The following BTBD8 variants were observed in gnomAD, a reference collection of about 807,000 sequenced individuals.
BTBD8 encodes the protein BTB/POZ domain-containing protein 8.
Under a neutral mutation model 162.9 loss-of-function variants are expected in BTBD8, and 110 were observed. That is an observed-to-expected ratio of 0.68 (90% CI 0.58 to 0.79). The LOEUF (loss-of-function observed/expected upper bound fraction) is 0.79, where lower values mean the gene tolerates loss of function less well. BTBD8 is among the 30% of genes least tolerant of loss of function. The pLI is 0.00. For synonymous variants in BTBD8, 667 were observed against 716.1 expected (o/e 0.93, Z 1.10); for missense variants, 1,905 against 2,085.4 (o/e 0.91, Z 1.68).
intron 9 of BTBD8, among the ~76,000 whole-genome samples, chr1:92,156,976 G>C (rs1441482488): frequency 2.0e-5 from 3 of 149,800 alleles, no homozygotes; most frequent in African/African-American, 7.4e-5. Context: ...GCTAACTTCA[G>C]GCTTAGTTTC....
rs1304497820 is a variant in BTBD8 at position 92,080,526 on chromosome 1, G to C, written c.-46G>C. 6.2e-7 allele frequency: 1 copy of C among 1,602,284 alleles called. No individual in the cohort carries two copies. The highest frequency in any genetic ancestry group is 1.8e-5 in the Admixed American group (1 of 56,526). ...CCCTTCTTCCTCCTGGGCGGGGCAA[G>C]TGAGGCCAAGTACTGGGCCTCCAGG... is the stretch of plus-strand genomic sequence containing the variant. On this transcript the variant is annotated 5_prime_UTR_variant, in exon 1 of 18. Coordinates refer to ENST00000636805, the MANE Select transcript of BTBD8 (RefSeq NM_001376131.1).
At chr1:92,098,245 C>A (rs1648503655) in intron 2 of BTBD8, among the ~76,000 whole-genome samples, 2 of 152,156 alleles carry the variant, frequency 1.3e-5, no homozygotes, top group South Asian at 4.1e-4. Context: ...ATAAATCTTT[C>A]AAGGTATAGC....
chr1:92,101,297 G>A (rs530913578), intron 2 of BTBD8, among the ~76,000 whole-genome samples: 43 of 152,290 alleles, frequency 2.8e-4, no homozygotes, highest in African/African-American at 6.5e-4. Context: ...CTCAGGCCAG[G>A]TGTATGGATA....
intron 13 of BTBD8, among the ~76,000 whole-genome samples, chr1:92,175,477 CAAAAAAAAAA>C (rs71091265): frequency 5.3e-5 from 2 of 37,438 alleles, no homozygotes; most frequent in Non-Finnish European, 4.7e-5. Flanking sequence ...GACTCCATCT[CAAAAAAAAAA>C]AAAAAAAAAA....
intron 3 of BTBD8, among the ~76,000 whole-genome samples, 157 bp from the exon 4 acceptor site, chr1:92,107,727 A>G (rs1648771000): frequency 6.6e-6 from 1 of 152,228 alleles, no homozygotes; most frequent in Non-Finnish European, 1.5e-5. Context: ...GAGAAAGTCT[A>G]GATGATTTAA....
Position 92,184,316 on chromosome 1 carries a change from G to T in BTBD8, c.5365G>T (p.Glu1789Ter). Residue 1789 changes from glutamate to a stop codon, truncating the protein, a stop_gained, in exon 18 of 18, where the codon GAA (glutamate) becomes TAA (stop). Coordinates refer to ENST00000636805, the MANE Select transcript of BTBD8 (RefSeq NM_001376131.1). LOFTEE classifies it high-confidence loss of function. ...AGGCGAGTGGACAATTCTGGAACTG[G>T]AAACTCAGCATTAAGTGTTAACATT... ...PQGEWTILELETQH is the reference protein window; with the variant it reads ...PQGEWTILEL 6.5e-7 allele frequency: 1 copy of T among 1,548,078 alleles called. No homozygotes were observed. Among genetic ancestry groups the T allele is most frequent in the Non-Finnish European group, 8.7e-7 (1 of 1,144,952 alleles).
chr1:92,096,924 T>C (rs1319767968), intron 2 of BTBD8, among the ~76,000 whole-genome samples: 2 of 152,192 alleles, frequency 1.3e-5, no homozygotes, highest in Non-Finnish European at 2.9e-5. Flanking sequence ...CCTTCAGCCG[T>C]TCCTCTTCAT....
intron 9 of BTBD8, among the ~76,000 whole-genome samples, chr1:92,151,630 A>C (rs1255134159): frequency 6.6e-6 from 1 of 151,988 alleles, no homozygotes; most frequent in Non-Finnish European, 1.5e-5. Context: ...CTGAGATTTT[A>C]GTGTACCCAT....
chr1:92,177,807 A>G lies in BTBD8; in HGVS notation c.2354-4A>G. ...CTTATGACTCACTTTTTCTTAATTT[A>G]TAGCCATAAAATCTCGACCTGTTTC... On this transcript the variant is annotated splice_polypyrimidine_tract_variant and splice_region_variant and intron_variant, in intron 14 of 17. Coordinates refer to ENST00000636805, the MANE Select transcript of BTBD8 (RefSeq NM_001376131.1). 2 of 1,501,674 alleles carry G rather than the reference A, an allele frequency of 1.3e-6. No homozygotes were observed. The highest frequency in any genetic ancestry group is 1.8e-6 in the Non-Finnish European group (2 of 1,103,288). 93.0% of individuals were successfully genotyped at this position (1,501,674 alleles called of 1,614,324 possible). A position where few individuals can be genotyped will look rare whatever the true frequency, so the allele number is the denominator to read the frequency against.
At chr1:92,098,386 A>AT (rs1462012964) in intron 2 of BTBD8, among the ~76,000 whole-genome samples, 1 of 152,178 alleles carries the variant, frequency 6.6e-6, no homozygotes, top group Non-Finnish European at 1.5e-5. Flanking sequence ...TGCTATGAAC[A>AT]TTTATATATA....
intron 3 of BTBD8, among the ~76,000 whole-genome samples, chr1:92,103,458 A>T (rs965534208): frequency 6.6e-6 from 1 of 152,188 alleles, no homozygotes; most frequent in African/African-American, 2.4e-5. Flanking sequence ...AGGAAACCTG[A>T]GGTCCCTGGA....
rs569683385 is a variant in BTBD8 at position 92,107,507 on chromosome 1, T to A, written c.545-377T>A. On this transcript the variant is annotated intron_variant, in intron 3 of 17. Transcript: ENST00000636805. The stretch of plus-strand genomic sequence containing the variant: ...TAACATGCGGTACTGGTTTATAGCC[T>A]AGGAACAATAGGCTATACCATATAG... Among the ~76,000 whole-genome samples the A allele has an allele frequency of 3.3e-5, 5 of 152,318 alleles. No homozygotes were observed. In the East Asian group the frequency reaches 7.7e-4, roughly 23 times the overall value.
chr1:92,178,465 A>T lies in BTBD8; in HGVS notation c.2581+14A>T. ...CTAAAACTCAAGGTAAAGCTGAAAT[A>T]GTACTGGATATCTTGAAATTATTTC... On this transcript the variant is annotated intron_variant, in intron 16 of 17. Coordinates refer to ENST00000636805, the MANE Select transcript of BTBD8 (RefSeq NM_001376131.1). The T allele has an allele frequency of 2.0e-6, 3 of 1,534,158 alleles. No homozygotes were observed. The highest frequency in any genetic ancestry group is 3.4e-4 in the Middle Eastern group (2 of 5,908).
Position 92,182,407 on chromosome 1 carries a change from G to A in BTBD8, c.4724G>A (p.Ser1575Asn), listed in dbSNP as rs185536361. The change falls in exon 17 of 18, where the codon AGT (serine) becomes AAT (asparagine). Residue 1575 changes from serine to asparagine, a missense_variant. Physicochemically the swap from Ser to Asn is conservative, Grantham distance 46 (BLOSUM62 1). Around this residue, in one of 3 missense-constraint regions of BTBD8, gnomAD observed 517 missense variants for 606.6 expected, o/e 0.85. Coordinates refer to ENST00000636805, the MANE Select transcript of BTBD8 (RefSeq NM_001376131.1). ...DIQQRSKFLD[S>N]DVKSQERPCH... is the part of the protein sequence containing the mutation. ...CAGCAACGCAGCAAATTCTTGGATA[G>A]TGATGTAAAATCTCAAGAAAGACCA... The A allele has an allele frequency of 1.6e-5, 25 of 1,550,106 alleles. No individual in the cohort carries two copies. In the Admixed American group the frequency reaches 3.9e-4, roughly 24 times the overall value.
chr1:92,150,933 A>G (rs1440612647), intron 9 of BTBD8: 2 of 152,208 alleles, frequency 1.3e-5, no homozygotes, highest in Non-Finnish European at 2.9e-5. Context: ...CTATGTATAT[A>G]TAAATACCTC....
Position 92,114,848 on chromosome 1 carries a change from C to T in BTBD8, c.662+6847C>T, listed in dbSNP as rs76079035. 4.9e-5 allele frequency: 17 copies of T among 347,974 alleles called. No homozygotes were observed. The East Asian group carries it at 1.3e-3, about 26-fold the overall frequency. The allele number at this position is 347,974 out of a possible 1,614,324, so 21.6% of individuals were successfully genotyped here. A position where few individuals can be genotyped will look rare whatever the true frequency, so the allele number is the denominator to read the frequency against. On this transcript the variant is annotated intron_variant, in intron 4 of 17. Transcript: ENST00000636805. ...GACCATGAAACCCACCACCCTGTTG[C>T]TGTAGCCAAATTCATTGTCATGCTG...
chr1:92,118,258 G>A (rs922348345), intron 4 of BTBD8, among the ~76,000 whole-genome samples: 3 of 147,038 alleles, frequency 2.0e-5, no homozygotes, highest in Admixed American at 1.4e-4. Context: ...GGCTCCTCTT[G>A]GCTGTAACAG....
rs4658128 is a variant in BTBD8, at chr1:92,109,188, G to C, written c.662+1187G>C. On this transcript the variant is annotated intron_variant, in intron 4 of 17. Coordinates refer to ENST00000636805, the MANE Select transcript of BTBD8 (RefSeq NM_001376131.1). ...ATGTAGATTGAACATTATATTTTCC[G>C]TATCATGGGTATATTTCCTAAATCA... is the stretch of plus-strand genomic sequence containing the variant. Among the ~76,000 whole-genome samples, 597 of 151,358 alleles carry C rather than the reference G, an allele frequency of 3.9e-3. 3 individuals carry two copies. Among genetic ancestry groups the C allele is most frequent in the African/African-American group, 0.014 (579 of 41,218 alleles).
chr1:92,182,220 A>T lies in BTBD8; in HGVS notation c.4537A>T (p.Thr1513Ser). 1 of 1,550,632 alleles carries T rather than the reference A, an allele frequency of 6.4e-7. No homozygotes were observed. Among genetic ancestry groups the T allele is most frequent in the Non-Finnish European group, 8.7e-7 (1 of 1,146,744 alleles). The change falls in exon 17 of 18, where the codon ACT becomes TCT. Residue 1513 changes from threonine to serine, a missense_variant. This residue lies in a region of BTBD8 where 517 missense variants were observed against 606.6 expected (regional missense o/e 0.85). Coordinates refer to ENST00000636805, the MANE Select transcript of BTBD8 (RefSeq NM_001376131.1). ...KGNSVCKNES[T>S]VLDLSSIDSS... Reference sequence around the variant, plus strand: ...CAATAGTGTATGTAAAAATGAAAGCACTGTCTTGGATCTTAGTAGCATTGA... The same window carrying T: ...CAATAGTGTATGTAAAAATGAAAGCTCTGTCTTGGATCTTAGTAGCATTGA...
Sources: allele counts gnomAD v4.1 joint callset (sites outside exome capture counted in the v4.1 genomes callset), GRCh38; gene constraint gnomAD v4.1.1; regional missense constraint gnomAD v4.1.1; transcripts MANE v1.5; gene names NCBI Gene and HGNC (gene_info 2026-07-23, HGNC 2026-07-21).